Variants in GRM7 observed in about 807,000 individuals in gnomAD.
GRM7 encodes the protein metabotropic glutamate receptor 7.
Under a neutral mutation model 84.5 loss-of-function variants are expected in GRM7, and 35 were observed. The observed-to-expected ratio is 0.41, with a 90% confidence interval of 0.32 to 0.55. The LOEUF is 0.55. GRM7 is among the 20% of genes least tolerant of loss of function. GRM7 has a pLI of 0.19. For missense variants in GRM7, 1,003 were observed against 1,194.6 expected, an observed-to-expected ratio of 0.84 and a Z score of 2.36; for synonymous variants, 487 against 455.1, an observed-to-expected ratio of 1.07 and a Z score of -0.89.
At chr3:7,639,055 A>G (rs1257390397) in intron 8 of GRM7, among the ~76,000 whole-genome samples, 3 of 152,268 alleles carry the variant, frequency 2.0e-5, no homozygotes, top group South Asian at 4.2e-4. Context: ...CCCCCTCTTG[A>G]CAGCCAAACT....
At chr3:7,538,795 C>G (rs1692705551) in intron 7 of GRM7, among the ~76,000 whole-genome samples, 1 of 152,130 alleles carries the variant, frequency 6.6e-6, no homozygotes, top group Non-Finnish European at 1.5e-5. Context: ...CAGGTGCAAC[C>G]TATCATGGAT....
In GRM7 at chr3:6,862,839, C is replaced by G. The variant is rs933851736; in HGVS notation, c.519+932C>G. On this transcript the variant is annotated intron_variant, in intron 1 of 9. Coordinates refer to ENST00000357716, the MANE Select transcript of GRM7 (RefSeq NM_000844.4). This position sits in a 1 kb window ranked among gnomAD's most constrained non-coding sequence, Gnocchi z 5.2. Reference sequence around the variant, plus strand: ...GCGCCCGTTGGGAGGCAGAGGGGTGCGTGAAGCGGGGCCCCGTGGTCCTCC... The same window carrying G: ...GCGCCCGTTGGGAGGCAGAGGGGTGGGTGAAGCGGGGCCCCGTGGTCCTCC... The G allele has an allele frequency of 2.2e-5, 7 of 323,710 alleles. No individual in the cohort carries two copies. Among genetic ancestry groups the G allele is most frequent in the Non-Finnish European group, 4.3e-5 (7 of 162,740 alleles). The allele number at this position is 323,710 out of a possible 1,614,324, so 20.1% of individuals were successfully genotyped here. A position where few individuals can be genotyped will look rare whatever the true frequency, so the allele number is the denominator to read the frequency against.
At chr3:7,671,065 C>T (rs1341331696) in intron 8 of GRM7, among the ~76,000 whole-genome samples, 32 of 152,118 alleles carry the variant, frequency 2.1e-4, no homozygotes, top group Non-Finnish European at 4.4e-5. Context: ...CAAATAGTAC[C>T]TGGTATTGGC....
At chr3:7,403,622 GAT>G (rs59465377) in intron 4 of GRM7, among the ~76,000 whole-genome samples, 25,245 of 126,784 alleles carry the variant, frequency 0.2, 2,693 homozygotes, top group East Asian at 0.34. Flanking sequence ...GAGTAATTCT[GAT>G]ATATATATAT....
At chr3:7,163,363 A>C (rs1346006396) in intron 2 of GRM7, among the ~76,000 whole-genome samples, 1 of 152,208 alleles carries the variant, frequency 6.6e-6, no homozygotes, top group Non-Finnish European at 1.5e-5. Flanking sequence ...TGGAAAAGGG[A>C]AAGAATCTTG....
chr3:7,386,181 A>G (rs1002630070), intron 4 of GRM7, among the ~76,000 whole-genome samples: 5 of 152,214 alleles, frequency 3.3e-5, no homozygotes, highest in African/African-American at 1.2e-4. Flanking sequence ...TTTTTGATCT[A>G]GATGTTTGTT....
chr3:7,429,684 GT>G (rs1696751407), intron 5 of GRM7, among the ~76,000 whole-genome samples: 1 of 152,002 alleles, frequency 6.6e-6, no homozygotes, highest in Admixed American at 6.6e-5. Context: ...TTGCCGAAAA[GT>G]CACTTGGCTA....
intron 1 of GRM7, among the ~76,000 whole-genome samples, chr3:7,111,084 G>T (rs1203773523): frequency 6.6e-6 from 1 of 152,064 alleles, no homozygotes; most frequent in African/African-American, 2.4e-5. Flanking sequence ...GACTGATGTG[G>T]GGTCAATAAC....
At chr3:6,945,777 T>G (rs964591775) in intron 1 of GRM7, among the ~76,000 whole-genome samples, 1 of 152,204 alleles carries the variant, frequency 6.6e-6, no homozygotes, top group Non-Finnish European at 1.5e-5. Flanking sequence ...AGATGGTACC[T>G]CATTGTGGTT....
intron 2 of GRM7, among the ~76,000 whole-genome samples, chr3:7,273,687 A>C (rs1698948512): frequency 6.6e-6 from 1 of 151,910 alleles, no homozygotes. Flanking sequence ...TCTTTTGATT[A>C]GTGTTAGTAT....
chr3:6,926,154 A>T (rs1463342874), intron 1 of GRM7, among the ~76,000 whole-genome samples: 1 of 152,178 alleles, frequency 6.6e-6, no homozygotes, highest in East Asian at 1.9e-4. Flanking sequence ...ATGTTTATTT[A>T]AAAAATAAAA....
chr3:7,666,088 T>C (rs1699689037), intron 8 of GRM7, among the ~76,000 whole-genome samples: 3 of 152,296 alleles, frequency 2.0e-5, no homozygotes, highest in South Asian at 4.1e-4. Flanking sequence ...TTATATATAC[T>C]GTGAATGAAA....
intron 1 of GRM7, among the ~76,000 whole-genome samples, chr3:6,898,287 A>T (rs1324640109): frequency 2.6e-5 from 4 of 151,998 alleles, no homozygotes; most frequent in Non-Finnish European, 4.4e-5. Flanking sequence ...CTGGCATTTG[A>T]ATTGGGCGTG....
chr3:6,877,198 C>T (rs888934642), intron 1 of GRM7, among the ~76,000 whole-genome samples: 7 of 152,116 alleles, frequency 4.6e-5, no homozygotes, highest in Non-Finnish European at 8.8e-5. Flanking sequence ...TTTTAAACTT[C>T]CCACAGCAGG....
At chr3:7,073,716 A>G (rs562155697) in intron 1 of GRM7, among the ~76,000 whole-genome samples, 47 of 152,336 alleles carry the variant, frequency 3.1e-4, no homozygotes, top group Middle Eastern at 3.4e-3. Context: ...AGGTATTTAT[A>G]GAGACCTGAC....
intron 6 of GRM7, among the ~76,000 whole-genome samples, chr3:7,456,092 A>C (rs1697997864): frequency 6.6e-6 from 1 of 152,088 alleles, no homozygotes; most frequent in Admixed American, 6.6e-5. Context: ...CAATTTTCCC[A>C]GAGTCAAACA....
chr3:7,575,615 A>G (rs1564842), intron 7 of GRM7, among the ~76,000 whole-genome samples: 34,842 of 152,196 alleles, frequency 0.23, 4,852 homozygotes, highest in Non-Finnish European at 0.29. Context: ...CTCATTTACT[A>G]GAGCATTTAA....
intron 7 of GRM7, chr3:7,561,443 T>G: frequency 2.2e-6 from 1 of 453,424 alleles, no homozygotes; most frequent in Admixed American, 2.4e-5. Flanking sequence ...AGCTGCTCAG[T>G]GAATGGCCTT....
chr3:6,879,421 C>T (rs776883802), intron 1 of GRM7, among the ~76,000 whole-genome samples: 27 of 152,090 alleles, frequency 1.8e-4, no homozygotes, highest in Admixed American at 2.0e-4. Flanking sequence ...GAAATTTATT[C>T]TCTTATTTTG....
Sources: allele counts gnomAD v4.1 joint callset (sites outside exome capture counted in the v4.1 genomes callset), GRCh38; gene constraint gnomAD v4.1.1; non-coding constraint Gnocchi (gnomAD v3.1); transcripts MANE v1.5; gene names NCBI Gene and HGNC (gene_info 2026-07-23, HGNC 2026-07-21).